MGAT4C: variants seen among roughly 807,000 people sequenced by gnomAD.
The protein encoded by MGAT4C is MGAT4 family member C, also known as alpha-1,3-mannosyl-glycoprotein 4-beta-N-acetylglucosaminyltransferase C.
A neutral mutation model predicts 40.1 loss-of-function variants in MGAT4C; 19 were observed. The observed-to-expected ratio is 0.47, with a 90% CI of 0.33 to 0.70. The LOEUF (loss-of-function observed/expected upper bound fraction) is 0.70. Among genes scored for constraint, MGAT4C ranks in the 30% least tolerant of loss-of-function variants. MGAT4C has a pLI of 0.02. For synonymous variants in MGAT4C, 181 were observed against 187.1 expected, an observed-to-expected ratio of 0.97 and a Z score of 0.27; for missense variants, 491 against 563.2, an observed-to-expected ratio of 0.87 and a Z score of 1.30.
At chr12:86,383,636 A>T (rs1325566141) in intron 3 of MGAT4C, among the ~76,000 whole-genome samples, 1 of 145,470 alleles carries the variant, frequency 6.9e-6, no homozygotes, top group Non-Finnish European at 1.5e-5. Context: ...TAGCCCCTTT[A>T]TTTTGGCCAA....
At chr12:86,573,446 A>T (rs1960445150) in intron 2 of MGAT4C, among the ~76,000 whole-genome samples, 1 of 152,166 alleles carries the variant, frequency 6.6e-6, no homozygotes, top group East Asian at 1.9e-4. Flanking sequence ...TTTACTGACT[A>T]ATCTTTTCAT....
At chr12:86,668,793 C>A (rs1406719235) in intron 2 of MGAT4C, among the ~76,000 whole-genome samples, 1 of 152,172 alleles carries the variant, frequency 6.6e-6, no homozygotes, top group Non-Finnish European at 1.5e-5. Context: ...GGGTGGTGGA[C>A]TTGCTGCCAG....
intron 1 of MGAT4C, among the ~76,000 whole-genome samples, chr12:86,073,839 C>A (rs1869099055): frequency 6.6e-6 from 1 of 152,064 alleles, no homozygotes; most frequent in South Asian, 2.1e-4. Context: ...GGACTGTGGA[C>A]TTTTGGGCTA....
At chr12:86,126,900 A>G (rs941463892) in intron 1 of MGAT4C, among the ~76,000 whole-genome samples, 8 of 152,166 alleles carry the variant, frequency 5.3e-5, no homozygotes, top group African/African-American at 1.9e-4. Flanking sequence ...GTGGTGCAGT[A>G]TAAAGCGGGG....
intron 2 of MGAT4C, among the ~76,000 whole-genome samples, chr12:86,000,959 C>T (rs1366665253): frequency 6.6e-6 from 1 of 152,118 alleles, no homozygotes; most frequent in Non-Finnish European, 1.5e-5. Flanking sequence ...TCATGCTTAT[C>T]ACTAGTTTGG....
intron 2 of MGAT4C, among the ~76,000 whole-genome samples, chr12:86,569,823 G>A (rs1697818214): frequency 6.6e-6 from 1 of 151,996 alleles, no homozygotes. Context: ...TTACAAAAAC[G>A]TGGTGTAAAC....
chr12:86,780,189 ATAATT>A (rs1022098600), intron 1 of MGAT4C, among the ~76,000 whole-genome samples: 1 of 152,188 alleles, frequency 6.6e-6, no homozygotes, highest in Non-Finnish European at 1.5e-5. Flanking sequence ...CATTAATTAT[ATAATT>A]TAAATTCTCT....
At chr12:86,555,734 T>G (rs1394085603) in intron 2 of MGAT4C, among the ~76,000 whole-genome samples, 1 of 152,176 alleles carries the variant, frequency 6.6e-6, no homozygotes, top group Non-Finnish European at 1.5e-5. Context: ...CAGAGCGCCC[T>G]TTTGACCCCC....
chr12:86,132,044 GTC>G (rs1881262025), intron 1 of MGAT4C, among the ~76,000 whole-genome samples: 1 of 152,028 alleles, frequency 6.6e-6, no homozygotes, highest in Non-Finnish European at 1.5e-5. Flanking sequence ...TAAGAATTTA[GTC>G]TCTCTCTGGA....
intron 2 of MGAT4C, among the ~76,000 whole-genome samples, chr12:86,497,459 AATTG>A (rs993251332): frequency 1.3e-5 from 2 of 151,952 alleles, no homozygotes; most frequent in Admixed American, 6.6e-5. Context: ...CTCATTGATA[AATTG>A]ATTTAGTGCT....
chr12:86,408,477 C>CTATATATATATATA (rs1222218802), intron 3 of MGAT4C, among the ~76,000 whole-genome samples: 8 of 97,570 alleles, frequency 8.2e-5, no homozygotes, highest in African/African-American at 3.8e-4. Flanking sequence ...CTCTCTCTCT[C>CTATATATATATATA]TCTATATATA....
chr12:86,609,732 ATTT>A (rs11361953), intron 2 of MGAT4C, among the ~76,000 whole-genome samples: 1 of 148,090 alleles, frequency 6.8e-6, no homozygotes, highest in East Asian at 2.0e-4. Context: ...AAAAAGTAAG[ATTT>A]TTTTTTTTGA....
rs146873916 is a variant in MGAT4C at position 86,027,374 on chromosome 12, A to G, written c.-7+22300T>C. On this transcript the variant is annotated intron_variant, in intron 2 of 4. Transcript: ENST00000611864. ...TTATATTTTAAAGTAATTTTGTTAC[A>G]TTTTTATTTTAAAAATTATAATTTT... Among the ~76,000 whole-genome samples, 1,113 of 151,960 alleles carry G rather than the reference A, an allele frequency of 7.3e-3. 8 individuals are homozygous for G. The highest frequency in any genetic ancestry group is 0.011 in the Non-Finnish European group (752 of 67,880).
At chr12:86,639,171 C>A (rs1431518289) in intron 2 of MGAT4C, among the ~76,000 whole-genome samples, 1 of 151,630 alleles carries the variant, frequency 6.6e-6, no homozygotes, top group African/African-American at 2.4e-5. Context: ...TTTTGCTTTA[C>A]CTTGGGCACA....
intron 1 of MGAT4C, among the ~76,000 whole-genome samples, chr12:86,193,916 A>C (rs1889797359): frequency 6.6e-6 from 1 of 152,094 alleles, no homozygotes; most frequent in Non-Finnish European, 1.5e-5. Flanking sequence ...TTTTCACTTA[A>C]CGCTTTTGTT....
chr12:86,676,283 A>G (rs1475141892), intron 2 of MGAT4C, among the ~76,000 whole-genome samples: 1 of 152,164 alleles, frequency 6.6e-6, no homozygotes, highest in Non-Finnish European at 1.5e-5. Flanking sequence ...GCAGTTCAAT[A>G]TGAGTGCCCT....
chr12:86,153,408 C>G (rs1474890276), intron 1 of MGAT4C, among the ~76,000 whole-genome samples: 2 of 152,140 alleles, frequency 1.3e-5, no homozygotes, highest in African/African-American at 4.8e-5. Context: ...GCATTGAATC[C>G]TTTGAAGACT....
rs1555196345 is a variant in MGAT4C, at chr12:85,956,897, C to CACCA, written c.*22391_*22392insTGGT. The CACCA allele has an allele frequency of 6.6e-6, 1 of 151,694 alleles. No individual in the cohort carries two copies. Among genetic ancestry groups the CACCA allele is most frequent in the African/African-American group, 2.4e-5 (1 of 41,322 alleles). 9.4% of individuals were successfully genotyped at this position (151,694 alleles called of 1,614,324 possible). On this transcript the variant is annotated 3_prime_UTR_variant, in exon 5 of 5. Transcript: ENST00000611864. ...TGCTTGGGAAGCTTTGTTGAATTGA[C>CACCA]ACAAGCACAGAAATACACCAATAAG...
chr12:86,547,827 G>T (rs1653486611), intron 2 of MGAT4C, among the ~76,000 whole-genome samples: 1 of 152,082 alleles, frequency 6.6e-6, no homozygotes, highest in Admixed American at 6.6e-5. Context: ...TATTTGTGAA[G>T]ATGCAAAATT....
Sources: gnomAD v4.1 joint callset for allele counts (sites outside exome capture counted in the v4.1 genomes callset) on GRCh38, gnomAD v4.1.1 for gene constraint, MANE v1.5 for transcripts, NCBI Gene and HGNC (gene_info 2026-07-23, HGNC 2026-07-21) for gene names.